Variants in MAMLD1 observed in about 807,000 individuals in gnomAD.
The protein encoded by MAMLD1 is mastermind like domain containing 1.
Under a neutral mutation model 45.0 loss-of-function variants are expected in MAMLD1, and 14 were observed. That is an observed-to-expected ratio of 0.31 (90% CI 0.21 to 0.49). The LOEUF is 0.49. Ranked by LOEUF, MAMLD1 falls within the 20% of genes least tolerant of loss-of-function variation. The pLI is 0.99. For missense variants in MAMLD1, 543 were observed against 603.6 expected (o/e 0.90, Z 1.05); for synonymous variants, 254 against 247.8 (o/e 1.02, Z -0.24).
intron 7 of MAMLD1, among the ~76,000 whole-genome samples, chrX:150,510,735 C>T (rs1020196391): frequency 1.8e-5 from 2 of 112,454 alleles, no homozygotes; most frequent in Non-Finnish European, 3.8e-5. Context: ...GTCTTGGGAA[C>T]ACTCAGCATT....
intron 1 of MAMLD1, among the ~76,000 whole-genome samples, chrX:150,372,647 C>T (rs1367844817): frequency 8.9e-6 from 1 of 112,236 alleles, no homozygotes; most frequent in Non-Finnish European, 1.9e-5. Flanking sequence ...AGAAGTATGC[C>T]ATTTTATTTC....
At chrX:150,457,725 C>T (rs376436705) in intron 2 of MAMLD1, among the ~76,000 whole-genome samples, 1 of 111,599 alleles carries the variant, frequency 9.0e-6, no homozygotes, top group Non-Finnish European at 1.9e-5. Context: ...AGGCACAAAA[C>T]GCCACATATT....
chrX:150,367,592 G>A (rs2031570948), intron 1 of MAMLD1, among the ~76,000 whole-genome samples: 1 of 111,654 alleles, frequency 9.0e-6, no homozygotes, highest in Non-Finnish European at 1.9e-5. Context: ...AAGTTCTAGG[G>A]TACATGTGCA....
At chrX:150,491,220 AGAGAGG>A (rs2037176820) in intron 5 of MAMLD1, among the ~76,000 whole-genome samples, 1 of 111,839 alleles carries the variant, frequency 8.9e-6, no homozygotes, top group Non-Finnish European at 1.9e-5. Flanking sequence ...ACTGAGGCTT[AGAGAGG>A]TAACACTGGT....
chrX:150,462,622 C>T (rs781930399), intron 2 of MAMLD1, 150 bp from the exon 3 acceptor site: 2 of 513,359 alleles, frequency 3.9e-6, no homozygotes, highest in South Asian at 5.2e-5. Flanking sequence ...TTCAAGTAAT[C>T]CCCTATTTAA....
At chrX:150,472,870 T>A (rs2036471996) in intron 4 of MAMLD1, among the ~76,000 whole-genome samples, 1 of 112,141 alleles carries the variant, frequency 8.9e-6, no homozygotes, top group Non-Finnish European at 1.9e-5. Flanking sequence ...TCAGTCACCA[T>A]CTACCATCCC....
Position 150,512,181 on chromosome X carries a change from A to G in MAMLD1, c.*222A>G, listed in dbSNP as rs1557409154. ...GGAGTGATCTCACCAACTCTGGGGA[A>G]GCGGCAAGGAATTTTCACCTCCAGC... On this transcript the variant is annotated 3_prime_UTR_variant, in exon 8 of 8. Coordinates refer to ENST00000370401, the MANE Select transcript of MAMLD1 (RefSeq NM_005491.5). 1 of 1,140,210 alleles carries G rather than the reference A, an allele frequency of 8.8e-7. No homozygotes were observed. Among genetic ancestry groups the G allele is most frequent in the East Asian group, 3.3e-5 (1 of 30,535 alleles). 94.0% of individuals were successfully genotyped at this position (1,140,210 alleles called of 1,213,427 possible).
intron 1 of MAMLD1, chrX:150,421,053 A>T (rs1557403513): frequency 8.6e-6 from 1 of 116,087 alleles, no homozygotes; most frequent in Non-Finnish European, 1.8e-5. Context: ...GCTGCCTTGC[A>T]GTTTGATCTG....
intron 1 of MAMLD1, among the ~76,000 whole-genome samples, chrX:150,410,551 C>T (rs1394581339): frequency 8.9e-6 from 1 of 111,818 alleles, no homozygotes; most frequent in Non-Finnish European, 1.9e-5. Flanking sequence ...TCACAGTGGC[C>T]AGGTTTCCCT....
chrX:150,480,869 C>A (rs1320880833), intron 5 of MAMLD1, among the ~76,000 whole-genome samples: 1 of 112,408 alleles, frequency 8.9e-6, no homozygotes, highest in Admixed American at 9.4e-5. Flanking sequence ...ATTATCCCAC[C>A]TCTTGCTTTG....
intron 6 of MAMLD1, among the ~76,000 whole-genome samples, chrX:150,505,282 A>C (rs1267868393): frequency 1.8e-5 from 2 of 111,687 alleles, no homozygotes; most frequent in Non-Finnish European, 3.8e-5. Context: ...CCAGTTCCCC[A>C]TTGGGGTCCC....
In MAMLD1 at chrX:150,430,019, C is replaced by CTTTTTTTT. The variant is rs1174092962; in HGVS notation, c.-63-15418_-63-15411dup. Among the ~76,000 whole-genome samples the CTTTTTTTT allele has an allele frequency of 3.5e-3, 174 of 49,200 alleles. 6 individuals carry two copies. The highest frequency in any genetic ancestry group is 4.7e-3 in the African/African-American group (56 of 11,870). The allele number at this position is 49,200 out of a possible 115,157, so 42.7% of individuals were successfully genotyped here. Reference sequence around the variant, plus strand: ...CCATTTTCTTTTCTTTCTTTCTTTTCTTTTTTTTTTTTTTTTTTTTTTTTG... The same window carrying CTTTTTTTT: ...CCATTTTCTTTTCTTTCTTTCTTTTCTTTTTTTTTTTTTTTTTTTTTTTTTTTTTTTTG... On this transcript the variant is annotated intron_variant, in intron 1 of 7. Transcript: ENST00000370401.
intron 2 of MAMLD1, among the ~76,000 whole-genome samples, chrX:150,459,059 G>A (rs2035957762): frequency 8.9e-6 from 1 of 112,264 alleles, no homozygotes. Flanking sequence ...ACTCTAGTTG[G>A]TGTCCTGGCA....
Position 150,470,146 on chromosome X carries a change from A to G in MAMLD1, c.573A>G (p.Pro191=). 1 of 1,211,904 alleles carries G rather than the reference A, an allele frequency of 8.3e-7. No individual in the cohort carries two copies. Residue 191 remains proline (P), a synonymous_variant, in exon 4 of 8, where the codon CCA becomes CCG. Coordinates refer to ENST00000370401, the MANE Select transcript of MAMLD1 (RefSeq NM_005491.5). ...TCACCAAAATTCAAGACCCTTCTCC[A>G]AATGAGCTAGATCTTGAGAAGATAC... The part of the protein sequence containing the change: ...EELTKIQDPS[P]NELDLEKILG...
At chrX:150,501,847 C>T (rs2037564834) in intron 5 of MAMLD1, among the ~76,000 whole-genome samples, 1 of 112,287 alleles carries the variant, frequency 8.9e-6, no homozygotes, top group African/African-American at 3.2e-5. Context: ...AATGACTAAA[C>T]ACATGCACAC....
At position 150,402,925 on chromosome X, in the gene MAMLD1, G is replaced by T. The variant is rs782051121; in HGVS notation, c.-64+39395G>T. Among the ~76,000 whole-genome samples the T allele has an allele frequency of 2.7e-5, 3 of 110,765 alleles. No homozygotes were observed. In the South Asian group the frequency reaches 1.2e-3, roughly 43 times the overall value. ...CATCACACTCTGGGGACTGTTGTGG[G>T]GTGGGGGGAGGAAGGAGGGATGGCA... On this transcript the variant is annotated intron_variant, in intron 1 of 7. Transcript: ENST00000370401.
At chrX:150,383,147 G>A (rs200807360) in intron 1 of MAMLD1, among the ~76,000 whole-genome samples, 3 of 30,297 alleles carry the variant, frequency 9.9e-5, no homozygotes, top group South Asian at 6.8e-4. Flanking sequence ...CTCGTGATCC[G>A]CCCGCCTCGG....
rs1368584186 is a variant in MAMLD1 at position 150,421,425 on chromosome X, C to T, written c.-63-24029C>T. Among the ~76,000 whole-genome samples the T allele has an allele frequency of 5.3e-5, 6 of 112,599 alleles. No homozygotes were observed. The South Asian group carries it at 1.5e-3, about 28-fold the overall frequency. ...GTCGCTCACGCTGGGAGCTGTAGACCGGAGCTGTTCCTATTCAGCCATCTT... is the reference window on the plus strand; with the variant it reads ...GTCGCTCACGCTGGGAGCTGTAGACTGGAGCTGTTCCTATTCAGCCATCTT... On this transcript the variant is annotated intron_variant, in intron 1 of 7. Coordinates refer to ENST00000370401, the MANE Select transcript of MAMLD1 (RefSeq NM_005491.5).
intron 2 of MAMLD1, among the ~76,000 whole-genome samples, chrX:150,451,862 T>C (rs1253032538): frequency 5.4e-5 from 6 of 110,992 alleles, no homozygotes; most frequent in African/African-American, 1.6e-4. Context: ...TGTCATTGCC[T>C]CCCTCTCTCT....
Sources: gnomAD v4.1 joint callset for allele counts (sites outside exome capture counted in the v4.1 genomes callset) on GRCh38, gnomAD v4.1.1 for gene constraint, MANE v1.5 for transcripts, NCBI Gene and HGNC (gene_info 2026-07-23, HGNC 2026-07-21) for gene names.